LRRC8D: variants seen among roughly 807,000 people sequenced by gnomAD.
LRRC8D encodes the protein leucine rich repeat containing 8 VRAC subunit D.
A neutral mutation model predicts 55.8 loss-of-function variants in LRRC8D; 20 were observed. That is an observed-to-expected ratio of 0.36 (90% CI 0.25 to 0.52). The LOEUF (loss-of-function observed/expected upper bound fraction) is 0.52. LRRC8D is among the 20% of genes least tolerant of loss of function. The pLI is 0.93. For synonymous variants in LRRC8D, 352 were observed against 377.0 expected, an observed-to-expected ratio of 0.93 and a Z score of 0.77; for missense variants, 651 against 1,030.8, an observed-to-expected ratio of 0.63 and a Z score of 5.05.
At chr1:89,860,785 A>ATAT (rs59411711) in intron 2 of LRRC8D, among the ~76,000 whole-genome samples, 5 of 28,186 alleles carry the variant, frequency 1.8e-4, no homozygotes, top group South Asian at 1.5e-3. Flanking sequence ...AAAAAAAAAA[A>ATAT]ATATATATAT....
chr1:89,847,773 C>T (rs1317276244), intron 2 of LRRC8D, among the ~76,000 whole-genome samples: 1 of 152,158 alleles, frequency 6.6e-6, no homozygotes, highest in African/African-American at 2.4e-5. Flanking sequence ...TTAACTGGTT[C>T]ACTGTTTTAC....
At position 89,835,262 on chromosome 1, in the gene LRRC8D, C is replaced by G. The variant is rs139014974; in HGVS notation, c.-147-8376C>G. ...GGGTTCTAGAGGGCATTGGGGCATT[C>G]TAGAGAAAGGTCTGAGCTGAAGCTA... On this transcript the variant is annotated intron_variant, in intron 1 of 2. Transcript: ENST00000337338. Among the ~76,000 whole-genome samples, 5 of 152,170 alleles carry G rather than the reference C, an allele frequency of 3.3e-5. No homozygotes were observed. In the East Asian group the frequency reaches 9.6e-4, roughly 29 times the overall value.
Position 89,935,006 on chromosome 1 carries a change from G to A in LRRC8D, c.1938G>A (p.Glu646=), listed in dbSNP as rs1445816836. 14 of 1,614,170 alleles carry A rather than the reference G, an allele frequency of 8.7e-6. No individual in the cohort carries two copies. The South Asian group carries it at 1.4e-4, about 16-fold the overall frequency. ...NVAELELQNC[E]LERIPHAIFS... is the part of the protein sequence containing the mutation. ...CTGAGCTGGAACTCCAGAACTGTGAGCTAGAGAGAATCCCACATGCTATTT... is the reference window on the plus strand; with the variant it reads ...CTGAGCTGGAACTCCAGAACTGTGAACTAGAGAGAATCCCACATGCTATTT... Residue 646 remains glutamate, a synonymous_variant, in exon 3 of 3, where the codon GAG becomes GAA. Coordinates refer to ENST00000337338, the MANE Select transcript of LRRC8D (RefSeq NM_001134479.2).
chr1:89,935,694 G>A lies in LRRC8D; in HGVS notation c.*49G>A. On this transcript the variant is annotated 3_prime_UTR_variant, in exon 3 of 3. Coordinates refer to ENST00000337338, the MANE Select transcript of LRRC8D (RefSeq NM_001134479.2). ...ATGTGCAGGAACAACTTCCTAGATT[G>A]CAAGTGCTCACGTACAAGTTATTAC... is the stretch of plus-strand genomic sequence containing the variant. 1 of 1,536,730 alleles carries A rather than the reference G, an allele frequency of 6.5e-7. No individual in the cohort carries two copies. Among genetic ancestry groups the A allele is most frequent in the South Asian group, 1.2e-5 (1 of 85,328 alleles).
intron 2 of LRRC8D, among the ~76,000 whole-genome samples, chr1:89,923,324 G>A (rs1391212764): frequency 6.6e-6 from 1 of 152,144 alleles, no homozygotes; most frequent in East Asian, 1.9e-4. Flanking sequence ...CTAAATATAT[G>A]TTTTTCAAGT....
intron 1 of LRRC8D, chr1:89,843,282 G>C (rs901510651): frequency 3.9e-5 from 7 of 180,162 alleles, no homozygotes; most frequent in Non-Finnish European, 1.2e-5. Flanking sequence ...AAAGAAGGCC[G>C]ATCACACTGG....
intron 2 of LRRC8D, among the ~76,000 whole-genome samples, chr1:89,869,776 A>T (rs1570840445): frequency 6.6e-6 from 1 of 152,338 alleles, no homozygotes; most frequent in East Asian, 1.9e-4. Flanking sequence ...AAACCCTACA[A>T]GCCAGAAGAG....
chr1:89,829,663 C>T (rs918954588), intron 1 of LRRC8D, among the ~76,000 whole-genome samples: 1 of 152,150 alleles, frequency 6.6e-6, no homozygotes, highest in Non-Finnish European at 1.5e-5. Flanking sequence ...GTTCGTGCTG[C>T]GTGTTTGAAG....
chr1:89,926,149 A>C (rs1663558574), intron 2 of LRRC8D, among the ~76,000 whole-genome samples: 1 of 152,190 alleles, frequency 6.6e-6, no homozygotes, highest in Admixed American at 6.5e-5. Flanking sequence ...AAGTTCTCCC[A>C]GTTACTACAT....
chr1:89,908,101 GTGATGA>G (rs370191942), intron 2 of LRRC8D, among the ~76,000 whole-genome samples: 1 of 151,988 alleles, frequency 6.6e-6, no homozygotes, highest in Non-Finnish European at 1.5e-5. Context: ...ATTCATAATA[GTGATGA>G]TGATGATGAT....
chr1:89,870,575 G>C (rs567555630), intron 2 of LRRC8D, among the ~76,000 whole-genome samples: 2 of 152,180 alleles, frequency 1.3e-5, no homozygotes, highest in Admixed American at 1.3e-4. Context: ...TTTTACTACA[G>C]ATTTCCTATA....
intron 1 of LRRC8D, among the ~76,000 whole-genome samples, chr1:89,828,605 T>C (rs1305941759): frequency 4.6e-5 from 7 of 152,210 alleles, no homozygotes; most frequent in African/African-American, 1.7e-4. Context: ...ATAGTCTTTC[T>C]TTTGACATTT....
chr1:89,856,332 T>TCA lies in LRRC8D; in HGVS notation c.-3+12551_-3+12552insAC, dbSNP rs781746997. 4.4e-4 allele frequency among the ~76,000 whole-genome samples: 67 copies of TCA among 152,188 alleles called. No homozygotes were observed. The South Asian group carries it at 5.4e-3, about 12-fold the overall frequency. On this transcript the variant is annotated intron_variant, in intron 2 of 2. Transcript: ENST00000337338. ...GGCATCTGCTACAGTAATCTCTCTCTCTCACACACACACACACTCTCAGGT... is the reference window on the plus strand; with the variant it reads ...GGCATCTGCTACAGTAATCTCTCTCTCACTCACACACACACACACTCTCAGGT...
chr1:89,934,578 A>G lies in LRRC8D; in HGVS notation c.1510A>G (p.Lys504Glu). Reference sequence around the variant, plus strand: ...AAAGCTTGAACTAATTCCAGAAGCTAAAATTCCTGCTAAGATTTCTCAAAT... The same window carrying G: ...AAAGCTTGAACTAATTCCAGAAGCTGAAATTCCTGCTAAGATTTCTCAAAT... ...VLKLELIPEA[K>E]IPAKISQMTN... is the part of the protein sequence containing the mutation. Residue 504 changes from lysine (K) to glutamate (E), a missense_variant, in exon 3 of 3, where the codon AAA becomes GAA. Transcript: ENST00000337338. The surrounding 1 kb of genome is among the most constrained non-coding windows in gnomAD (Gnocchi z 5.9). The G allele has an allele frequency of 6.2e-7, 1 of 1,614,202 alleles. No homozygotes were observed. The highest frequency in any genetic ancestry group is 8.5e-7 in the Non-Finnish European group (1 of 1,180,032).
chr1:89,840,104 A>C (rs1570808653), intron 1 of LRRC8D, among the ~76,000 whole-genome samples: 1 of 152,202 alleles, frequency 6.6e-6, no homozygotes, highest in African/African-American at 2.4e-5. Context: ...TTCAAAGTGA[A>C]CCTTCCACAT....
rs529938338 is a variant in LRRC8D at position 89,874,395 on chromosome 1, A to T, written c.-3+30613A>T. ...ATGGAGTTGGATTCTATGACCTCGA[A>T]GTGTGAATCTGTTTTCCTTTATTAT... On this transcript the variant is annotated intron_variant, in intron 2 of 2. Transcript: ENST00000337338. Among the ~76,000 whole-genome samples, 103 of 151,578 alleles carry T rather than the reference A, an allele frequency of 6.8e-4. 1 individual carries two copies. The highest frequency in any genetic ancestry group is 2.4e-3 in the African/African-American group (101 of 41,334).
At chr1:89,931,375 A>C (rs1427814466) in intron 2 of LRRC8D, among the ~76,000 whole-genome samples, 1 of 152,134 alleles carries the variant, frequency 6.6e-6, no homozygotes, top group Non-Finnish European at 1.5e-5. Context: ...GGAAGACACA[A>C]GTAATCAGTC....
At chr1:89,850,962 C>T (rs6671689) in intron 2 of LRRC8D, among the ~76,000 whole-genome samples, 2,218 of 152,226 alleles carry the variant, frequency 0.015, 60 homozygotes, top group African/African-American at 0.049. Context: ...TTCTAAAAGA[C>T]ACATTTTTCT....
At chr1:89,910,129 G>A (rs1268803288) in intron 2 of LRRC8D, among the ~76,000 whole-genome samples, 2 of 152,134 alleles carry the variant, frequency 1.3e-5, no homozygotes, top group Non-Finnish European at 2.9e-5. Flanking sequence ...CCTAAATTTA[G>A]TGAAGAGATT....
Sources: allele counts gnomAD v4.1 joint callset (sites outside exome capture counted in the v4.1 genomes callset), GRCh38; gene constraint gnomAD v4.1.1; non-coding constraint Gnocchi (gnomAD v3.1); transcripts MANE v1.5; gene names NCBI Gene and HGNC (gene_info 2026-07-23, HGNC 2026-07-21).